Variants in PTPN14 observed in about 807,000 individuals in gnomAD.
PTPN14 encodes protein tyrosine phosphatase non-receptor type 14.
In PTPN14, 53 loss-of-function variants were observed where a neutral mutation model predicts 126.8. The ratio of observed to expected loss-of-function variants is 0.42; its 90% CI spans 0.34 to 0.53. The LOEUF (loss-of-function observed/expected upper bound fraction) is 0.53. PTPN14 is among the 20% of genes least tolerant of loss of function. The pLI, the probability that PTPN14 is intolerant of heterozygous loss-of-function variation, is 0.08. For synonymous variants in PTPN14, 630 were observed against 599.3 expected (o/e 1.05, Z -0.75); for missense variants, 1,257 against 1,552.9 (o/e 0.81, Z 3.20).
At chr1:214,487,442 A>G (rs909275764) in intron 1 of PTPN14, among the ~76,000 whole-genome samples, 7 of 152,294 alleles carry the variant, frequency 4.6e-5, no homozygotes, top group African/African-American at 1.7e-4. Flanking sequence ...CCTGGCCAAC[A>G]CGGTGAAACC....
At chr1:214,512,432 G>A (rs1655000414) in intron 1 of PTPN14, among the ~76,000 whole-genome samples, 2 of 152,082 alleles carry the variant, frequency 1.3e-5, no homozygotes, top group South Asian at 4.2e-4. Context: ...GGGTACAACT[G>A]ACACAATCAG....
intron 3 of PTPN14, among the ~76,000 whole-genome samples, chr1:214,430,659 T>C (rs1659778267): frequency 6.6e-6 from 1 of 152,220 alleles, no homozygotes; most frequent in Admixed American, 6.5e-5. Flanking sequence ...AGATTTTGCA[T>C]TTGTCAAGTC....
In PTPN14 at chr1:214,384,020, T is replaced by C; in HGVS notation, c.1835A>G (p.Asp612Gly). The change falls in exon 13 of 19, where the codon GAC becomes GGC. Residue 612 changes from aspartate (D) to glycine (G), a missense_variant. Physicochemically the swap from Asp to Gly is moderately conservative, Grantham distance 94. Coordinates refer to ENST00000366956, the MANE Select transcript of PTPN14 (RefSeq NM_005401.5). This position sits in a 1 kb window ranked among gnomAD's most constrained non-coding sequence, Gnocchi z 5.3. Reference sequence around the variant, plus strand: ...AGACTGATGAACCACCGGAGAGCTGTCCTCTTGGAAGGTCTTCACCGAGAG... The same window carrying C: ...AGACTGATGAACCACCGGAGAGCTGCCCTCTTGGAAGGTCTTCACCGAGAG... ...VQLSVKTFQE[D>G]SSPVVHQSLQ... 6.2e-7 allele frequency: 1 copy of C among 1,603,148 alleles called. No homozygotes were observed. Among genetic ancestry groups the C allele is most frequent in the Non-Finnish European group, 8.5e-7 (1 of 1,177,740 alleles).
chr1:214,506,924 C>A (rs75802302), intron 1 of PTPN14, among the ~76,000 whole-genome samples: 1 of 145,990 alleles, frequency 6.8e-6, no homozygotes. Flanking sequence ...TTTTTTTTTC[C>A]ATGTTTTGTA....
Position 214,386,865 on chromosome 1 carries a change from A to T in PTPN14, c.1045T>A (p.Ser349Thr), listed in dbSNP as rs748664799. ...PVHVQCGEHY[S>T]ETHTSQDSIF... ...TTACCTTGCGAGGTGTGCGTTTCCG[A>T]GTAGTGCTCACCACACTGGACGTGA... The change falls in exon 12 of 19, where the codon TCG becomes ACG. Residue 349 changes from serine to threonine, a missense_variant. Coordinates refer to ENST00000366956, the MANE Select transcript of PTPN14 (RefSeq NM_005401.5). 22 of 1,607,164 alleles carry T rather than the reference A, an allele frequency of 1.4e-5. No homozygotes were observed. Among genetic ancestry groups the T allele is most frequent in the Non-Finnish European group, 1.3e-5 (15 of 1,173,942 alleles).
At chr1:214,408,010 T>A (rs1449060162) in intron 5 of PTPN14, among the ~76,000 whole-genome samples, 1 of 152,188 alleles carries the variant, frequency 6.6e-6, no homozygotes, top group African/African-American at 2.4e-5. Flanking sequence ...TCTCTCTCTG[T>A]CTAAATCATT....
chr1:214,371,859 A>C (rs1280715633), intron 16 of PTPN14, among the ~76,000 whole-genome samples: 1 of 152,214 alleles, frequency 6.6e-6, no homozygotes, highest in Non-Finnish European at 1.5e-5. Flanking sequence ...CAGTCAATGA[A>C]GGAAAATATG....
At chr1:214,380,749 C>T (rs554332720) in intron 13 of PTPN14, among the ~76,000 whole-genome samples, 1 of 152,184 alleles carries the variant, frequency 6.6e-6, no homozygotes, top group Non-Finnish European at 1.5e-5. Flanking sequence ...AAAAGCTGCC[C>T]ATAGTGAGGA....
At chr1:214,421,963 GGCACCAGC>G (rs1558095095) in intron 3 of PTPN14, among the ~76,000 whole-genome samples, 1 of 152,056 alleles carries the variant, frequency 6.6e-6, no homozygotes, top group Non-Finnish European at 1.5e-5. Flanking sequence ...CTCCTGCACT[GGCACCAGC>G]GCCTCCCCAA....
intron 7 of PTPN14, among the ~76,000 whole-genome samples, chr1:214,398,617 T>TTTTTTC (rs1244162508): frequency 7.7e-5 from 9 of 116,918 alleles, no homozygotes; most frequent in African/African-American, 3.1e-4. Flanking sequence ...CTGCTAATTT[T>TTTTTTC]TTTTTTTTTT....
intron 11 of PTPN14, among the ~76,000 whole-genome samples, chr1:214,390,567 T>A (rs1282023975): frequency 1.3e-5 from 2 of 152,224 alleles, no homozygotes; most frequent in Admixed American, 1.3e-4. Flanking sequence ...GTTCAATTTT[T>A]GCTCATTTAG....
intron 3 of PTPN14, among the ~76,000 whole-genome samples, chr1:214,425,708 C>CTGAA (rs1346878403): frequency 1.3e-5 from 2 of 152,120 alleles, no homozygotes; most frequent in African/African-American, 4.8e-5. Flanking sequence ...TTTGGAAGAA[C>CTGAA]TGAATTCTCC....
At chr1:214,442,400 C>A (rs1660054107) in intron 3 of PTPN14, among the ~76,000 whole-genome samples, 1 of 152,124 alleles carries the variant, frequency 6.6e-6, no homozygotes, top group African/African-American at 2.4e-5. Flanking sequence ...GGATGCTCAA[C>A]CTATTTTTTT....
At chr1:214,470,620 TA>T (rs553079157) in intron 1 of PTPN14, among the ~76,000 whole-genome samples, 145 of 151,534 alleles carry the variant, frequency 9.6e-4, no homozygotes, top group Non-Finnish European at 1.8e-3. Flanking sequence ...CCATCGCTAC[TA>T]AAAATACAAA....
rs1302834422 is a variant in PTPN14, at chr1:214,364,731, G to T, written c.3272-56C>A. On this transcript the variant is annotated intron_variant, in intron 17 of 18. Transcript: ENST00000366956. This position sits in a 1 kb window ranked among gnomAD's most constrained non-coding sequence, Gnocchi z 4.1. ...AAGTCCTCCATGGCTTCGCATGTAA[G>T]TTGGGGAGGGGGGAGCGGAAGAGAA... is the stretch of plus-strand genomic sequence containing the variant. 6 of 1,569,098 alleles carry T rather than the reference G, an allele frequency of 3.8e-6. No individual in the cohort carries two copies. The East Asian group carries it at 1.1e-4, about 30-fold the overall frequency.
chr1:214,448,491 G>A (rs559203360), intron 3 of PTPN14, among the ~76,000 whole-genome samples: 6 of 150,404 alleles, frequency 4.0e-5, no homozygotes, highest in Admixed American at 2.7e-4. Context: ...TGATCCGCCC[G>A]CCTCGGTCTC....
At chr1:214,499,425 G>T (rs1654624275) in intron 1 of PTPN14, among the ~76,000 whole-genome samples, 2 of 152,098 alleles carry the variant, frequency 1.3e-5, no homozygotes. Flanking sequence ...TATCTCTGAA[G>T]AATATATAAA....
In PTPN14 at chr1:214,355,227, A is replaced by G. The variant is rs1013740014; in HGVS notation, c.*2695T>C. 6.6e-6 allele frequency: 1 copy of G among 152,210 alleles called. No homozygotes were observed. The highest frequency in any genetic ancestry group is 1.5e-5 in the Non-Finnish European group (1 of 68,036). The allele number at this position is 152,210 out of a possible 1,614,324, so 9.4% of individuals were successfully genotyped here. A position where few individuals can be genotyped will look rare whatever the true frequency, so the allele number is the denominator to read the frequency against. On this transcript the variant is annotated 3_prime_UTR_variant, in exon 19 of 19. Transcript: ENST00000366956. ...AATATTCCCGTAGCATACGGCAGGGACAGTGGATGAATTTCAGGGAAGCCC... is the reference window on the plus strand; with the variant it reads ...AATATTCCCGTAGCATACGGCAGGGGCAGTGGATGAATTTCAGGGAAGCCC...
At chr1:214,365,015 T>A (rs981461645) in intron 17 of PTPN14, among the ~76,000 whole-genome samples, 1 of 152,018 alleles carries the variant, frequency 6.6e-6, no homozygotes, top group African/African-American at 2.4e-5. Flanking sequence ...ATTCTAGACA[T>A]TACTTACAGC....
Sources: allele counts gnomAD v4.1 joint callset (sites outside exome capture counted in the v4.1 genomes callset), GRCh38; gene constraint gnomAD v4.1.1; non-coding constraint Gnocchi (gnomAD v3.1); transcripts MANE v1.5; gene names NCBI Gene and HGNC (gene_info 2026-07-23, HGNC 2026-07-21).